The following DNAI3 variants were observed in gnomAD, a reference collection of about 807,000 sequenced individuals.
DNAI3 encodes dynein axonemal intermediate chain 3, also known as WD repeat domain 63.
Under a neutral mutation model 115.5 loss-of-function variants are expected in DNAI3, and 83 were observed. The observed-to-expected ratio is 0.72, with a 90% CI of 0.60 to 0.86. DNAI3 has a LOEUF of 0.86. DNAI3 is among the 40% of genes least tolerant of loss of function. The probability of loss-of-function intolerance (pLI) is 0.00; values close to 1 mark genes in which losing one functional copy is unlikely to be tolerated. For synonymous variants in DNAI3, 320 were observed against 347.0 expected (o/e 0.92, Z 0.86); for missense variants, 1,004 against 1,075.8 (o/e 0.93, Z 0.93).
chr1:85,072,498 C>T (rs7550672), intron 2 of DNAI3, among the ~76,000 whole-genome samples: 147,781 of 151,490 alleles, frequency 0.98, 72,135 homozygotes, highest in Non-Finnish European at 1. Context: ...ACAAATTAGC[C>T]AGGCGTGGTG....
At chr1:85,071,180 G>A (rs140812499) in intron 1 of DNAI3, among the ~76,000 whole-genome samples, 204 of 152,294 alleles carry the variant, frequency 1.3e-3, no homozygotes, top group African/African-American at 4.7e-3. Flanking sequence ...GAGAAGGTAA[G>A]TAATTTGCCC....
rs143422731 is a variant in DNAI3, at chr1:85,082,309, G to A, written c.295G>A (p.Gly99Arg). The part of the protein sequence containing the change: ...PVKKIVQEYP[G>R]NELLLVYDKD... ...AATTATATTCTTGTAGGAATATCCT[G>A]GAAATGAGCTTCTGCTTGTTTATGA... Residue 99 changes from glycine (G) to arginine (R), a missense_variant, in exon 5 of 23, where the codon GGA becomes AGA. By Grantham distance (125) the Gly-to-Arg change is moderately radical. This residue lies in a region of DNAI3 where 550 missense variants were observed against 568.1 expected (regional missense o/e 0.97). Transcript: ENST00000294664. 6.2e-7 allele frequency: 1 copy of A among 1,611,982 alleles called. No individual in the cohort carries two copies. Among genetic ancestry groups the A allele is most frequent in the African/African-American group, 1.3e-5 (1 of 74,830 alleles).
Position 85,110,121 on chromosome 1 carries a change from T to C in DNAI3, c.1772T>C (p.Leu591Pro), listed in dbSNP as rs375399772. ...ATAAGCCTGAATGAAGACCATCTTCTTTGCAAAACACAAGGTAACTGCCTT... is the reference window on the plus strand; with the variant it reads ...ATAAGCCTGAATGAAGACCATCTTCCTTGCAAAACACAAGGTAACTGCCTT... ...TKISLNEDHL[L>P]CKTQDKMLAQ... Residue 591 changes from leucine to proline, a missense_variant, in exon 16 of 23, where the codon CTT (leucine) becomes CCT (proline). Around this residue, in one of 3 missense-constraint regions of DNAI3, gnomAD observed 429 missense variants for 454.3 expected, o/e 0.94. Coordinates refer to ENST00000294664, the MANE Select transcript of DNAI3 (RefSeq NM_145172.5). 1 of 1,613,480 alleles carries C rather than the reference T, an allele frequency of 6.2e-7. No homozygotes were observed. The highest frequency in any genetic ancestry group is 1.7e-5 in the Admixed American group (1 of 59,962).
At position 85,090,182 on chromosome 1, in the gene DNAI3, A is replaced by T. The variant is rs569854656; in HGVS notation, c.807A>T (p.Thr269=). The T allele has an allele frequency of 2.8e-5, 44 of 1,591,818 alleles. No homozygotes were observed. Among genetic ancestry groups the T allele is most frequent in the Admixed American group, 1.1e-4 (6 of 56,608 alleles). Residue 269 remains threonine, a synonymous_variant, in exon 8 of 23, where the codon ACA becomes ACT. Transcript: ENST00000294664. ...AATTCTCAGAAGAGGAAAAAGAGAC[A>T]CTCAAACAATCAAAGCCTTTGGTTG... ...PREFSEEEKE[T]LKQSKPLVDF...
rs772997283 is a variant in DNAI3, at chr1:85,124,288, TC to T, written c.2112+38del. On this transcript the variant is annotated intron_variant, in intron 19 of 22. Transcript: ENST00000294664. ...GCAAAATGGAAGCATGAGTGTGTGATCTTTTGTTATTCAGAAAGACAAGAGG... is the reference window on the plus strand; with the variant it reads ...GCAAAATGGAAGCATGAGTGTGTGATTTTTGTTATTCAGAAAGACAAGAGG... The T allele has an allele frequency of 1.4e-5, 22 of 1,614,036 alleles. 1 individual carries two copies. Among genetic ancestry groups the T allele is most frequent in the Middle Eastern group, 1.7e-4 (1 of 6,060 alleles).
chr1:85,076,963 T>C (rs529578459), intron 3 of DNAI3, among the ~76,000 whole-genome samples: 1 of 152,302 alleles, frequency 6.6e-6, no homozygotes, highest in East Asian at 1.9e-4. Context: ...AGCCTCTGCT[T>C]CTTCATCTGA....
At chr1:85,078,717 G>A (rs1426311541) in intron 3 of DNAI3, among the ~76,000 whole-genome samples, 1 of 152,202 alleles carries the variant, frequency 6.6e-6, no homozygotes, top group East Asian at 1.9e-4. Context: ...AGTTCTCATG[G>A]CAATGGAGCA....
rs767944911 is a variant in DNAI3, at chr1:85,095,994, A to G, written c.1237A>G (p.Ile413Val). 15 of 1,613,794 alleles carry G rather than the reference A, an allele frequency of 9.3e-6. No individual in the cohort carries two copies. The highest frequency in any genetic ancestry group is 1.3e-5 in the Non-Finnish European group (15 of 1,179,868). Residue 413 changes from isoleucine to valine, a missense_variant, in exon 11 of 23, where the codon ATT becomes GTT. Ile to Val is a conservative substitution (Grantham distance 29). Coordinates refer to ENST00000294664, the MANE Select transcript of DNAI3 (RefSeq NM_145172.5). ...FKFCPSDPNI[I>V]AGGCINGQIV... ...GTTCTGTCCGAGTGATCCTAATATC[A>G]TTGCTGGAGGCTGTATCAATGGGCA...
intron 5 of DNAI3, 77 bp downstream of exon 5, chr1:85,082,481 T>C (rs755901693): frequency 3.4e-4 from 396 of 1,164,060 alleles, no homozygotes; most frequent in Non-Finnish European, 4.4e-4. Flanking sequence ...GCTCTTGCTC[T>C]GTCACCCAGG....
In DNAI3 at chr1:85,094,490, G is replaced by A. The variant is rs757629935; in HGVS notation, c.1108G>A (p.Gly370Ser). ...TTTTGAAGACAGAGTTCACTTTTCT[G>A]GTAAATTATTGCTGCAGCCATCACT... is the stretch of plus-strand genomic sequence containing the variant. Reference protein sequence around the residue: ...LSFEDRVHFSGKLLLQPSLIL... With the variant: ...LSFEDRVHFSSKLLLQPSLIL... The change falls in exon 10 of 23, where the codon GGT (glycine) becomes AGT (serine). Residue 370 changes from glycine to serine, a missense_variant. Physicochemically the swap from Gly to Ser is moderately conservative, Grantham distance 56. This residue lies in a region of DNAI3 where 550 missense variants were observed against 568.1 expected (regional missense o/e 0.97). Transcript: ENST00000294664. 2.9e-5 allele frequency: 47 copies of A among 1,614,048 alleles called. No homozygotes were observed. Among genetic ancestry groups the A allele is most frequent in the Non-Finnish European group, 6.8e-6 (8 of 1,180,040 alleles).
At chr1:85,084,141 TACAAATA>T (rs1293004749) in intron 5 of DNAI3, among the ~76,000 whole-genome samples, 6 of 145,404 alleles carry the variant, frequency 4.1e-5, no homozygotes, top group Non-Finnish European at 7.5e-5. Flanking sequence ...TTTTTACTAT[TACAAATA>T]AAGCAGCAGT....
chr1:85,128,736 T>C lies in DNAI3; in HGVS notation c.2346T>C (p.Asp782=). 1 of 1,610,676 alleles carries C rather than the reference T, an allele frequency of 6.2e-7. No homozygotes were observed. The highest frequency in any genetic ancestry group is 8.5e-7 in the Non-Finnish European group (1 of 1,179,356). The change falls in exon 21 of 23, where the codon GAT becomes GAC. Residue 782 remains aspartate (D), a synonymous_variant. Transcript: ENST00000294664. ...SSKQQFIATA[D]YYGTLHILEI... ...AACAGCAATTTATAGCCACAGCTGATTATTATGGAACACTGCATATATTAG... is the reference window on the plus strand; with the variant it reads ...AACAGCAATTTATAGCCACAGCTGACTATTATGGAACACTGCATATATTAG...
At chr1:85,132,803 T>G in intron 22 of DNAI3, 52 bp from the exon 23 acceptor site, 1 of 1,595,008 alleles carries the variant, frequency 6.3e-7, no homozygotes, top group Non-Finnish European at 8.5e-7. Context: ...TCCTTTGGTA[T>G]TTTTAGATAT....
intron 16 of DNAI3, among the ~76,000 whole-genome samples, chr1:85,111,233 A>G (rs1655650461): frequency 6.6e-6 from 1 of 152,246 alleles, no homozygotes; most frequent in Non-Finnish European, 1.5e-5. Flanking sequence ...CCTCATGCTA[A>G]AAAATACTGA....
intron 8 of DNAI3, among the ~76,000 whole-genome samples, chr1:85,091,699 TGA>T (rs1384867580): frequency 6.6e-6 from 1 of 152,164 alleles, no homozygotes; most frequent in East Asian, 1.9e-4. Flanking sequence ...TGACATGAGA[TGA>T]GAGAGAGGAA....
rs577745308 is a variant in DNAI3 at position 85,071,973 on chromosome 1, G to C, written c.32G>C (p.Arg11Pro). 10 of 1,610,936 alleles carry C rather than the reference G, an allele frequency of 6.2e-6. No homozygotes were observed. The African/African-American group carries it at 1.1e-4, about 17-fold the overall frequency. ...CCAAAACAAAAGAAAAAGACATCACGTGGCAAAAAAAGACTAAAACCAGTA... is the reference window on the plus strand; with the variant it reads ...CCAAAACAAAAGAAAAAGACATCACCTGGCAAAAAAAGACTAAAACCAGTA... MAPKQKKKTS[R>P]GKKRLKPVLA... Residue 11 changes from arginine to proline, a missense_variant, in exon 2 of 23, where the codon CGT (arginine) becomes CCT (proline). Physicochemically the swap from Arg to Pro is moderately radical, Grantham distance 103. Transcript: ENST00000294664.
rs114389141 is a variant in DNAI3, at chr1:85,071,427, G to A, written c.-14-501G>A. Among the ~76,000 whole-genome samples the A allele has an allele frequency of 6.2e-3, 951 of 152,322 alleles. 1 individual carries two copies. The highest frequency in any genetic ancestry group is 0.01 in the Middle Eastern group (3 of 294). Reference sequence around the variant, plus strand: ...CTGATAGGCCAAATAAGGCCTTAGTGGTTTTGTGTTCACATGCTGAGATAA... The same window carrying A: ...CTGATAGGCCAAATAAGGCCTTAGTAGTTTTGTGTTCACATGCTGAGATAA... On this transcript the variant is annotated intron_variant, in intron 1 of 22. Coordinates refer to ENST00000294664, the MANE Select transcript of DNAI3 (RefSeq NM_145172.5).
chr1:85,100,722 T>A (rs897517866), intron 13 of DNAI3, among the ~76,000 whole-genome samples: 29 of 151,888 alleles, frequency 1.9e-4, no homozygotes, highest in African/African-American at 6.8e-4. Context: ...TGGAACCAAC[T>A]CAAATGTCCA....
In DNAI3 at chr1:85,094,515, T is replaced by G; in HGVS notation, c.1133T>G (p.Leu378Arg). ...GGTAAATTATTGCTGCAGCCATCAC[T>G]GATTCTTTTCTGGAGCTTCTCTGAT... is the stretch of plus-strand genomic sequence containing the variant. ...FSGKLLLQPS[L>R]ILFWSFSDPI... The change falls in exon 10 of 23, where the codon CTG (leucine) becomes CGG (arginine). Residue 378 changes from leucine to arginine, a missense_variant. Transcript: ENST00000294664. 6.2e-7 allele frequency: 1 copy of G among 1,614,208 alleles called. No homozygotes were observed. The highest frequency in any genetic ancestry group is 8.5e-7 in the Non-Finnish European group (1 of 1,180,032).
Sources: allele counts gnomAD v4.1 joint callset (sites outside exome capture counted in the v4.1 genomes callset), GRCh38; gene constraint gnomAD v4.1.1; regional missense constraint gnomAD v4.1.1; transcripts MANE v1.5; gene names NCBI Gene and HGNC (gene_info 2026-07-23, HGNC 2026-07-21).